Variants in PLCH1 observed in about 807,000 individuals in gnomAD.
The protein encoded by PLCH1 is phospholipase C eta 1, also known as 1-phosphatidylinositol 4,5-bisphosphate phosphodiesterase eta-1.
Under a neutral mutation model 126.7 loss-of-function variants are expected in PLCH1, and 60 were observed. The ratio of observed to expected loss-of-function variants is 0.47; its 90% confidence interval spans 0.38 to 0.59. The LOEUF (loss-of-function observed/expected upper bound fraction) is 0.59, where lower values mean the gene tolerates loss of function less well. PLCH1 is among the 20% of genes least tolerant of loss of function. The probability of loss-of-function intolerance (pLI) is 0.00; values close to 1 mark genes in which losing one functional copy is unlikely to be tolerated. For missense variants in PLCH1, 1,723 were observed against 2,040.0 expected (o/e 0.84, Z 2.99); for synonymous variants, 719 against 734.9 (o/e 0.98, Z 0.35).
chr3:155,699,822 T>TCACACACACACACACACACACACA (rs59082626), intron 2 of PLCH1, among the ~76,000 whole-genome samples: 3,892 of 147,694 alleles, frequency 0.026, 86 homozygotes, highest in African/African-American at 0.042. Context: ...CTGTGACCAT[T>TCACACACACACACACACACACACA]CACACACACA....
chr3:155,643,864 G>A lies in PLCH1; in HGVS notation c.80-47486C>T, dbSNP rs920651720. 4.6e-5 allele frequency among the ~76,000 whole-genome samples: 7 copies of A among 152,114 alleles called. No individual in the cohort carries two copies. In the East Asian group the frequency reaches 7.7e-4, roughly 17 times the overall value. ...AGAATGAGTGGCAACCAAGTGCTTC[G>A]GTCTACTTCATTGAGTAATTTTTCT... On this transcript the variant is annotated intron_variant, in intron 2 of 22. Transcript: ENST00000460012.
At chr3:155,702,153 A>G (rs1746328456) in intron 2 of PLCH1, among the ~76,000 whole-genome samples, 2 of 152,214 alleles carry the variant, frequency 1.3e-5, no homozygotes, top group Admixed American at 1.3e-4. Context: ...ATTCTCAGAA[A>G]TACTTCAGTG....
intron 10 of PLCH1, among the ~76,000 whole-genome samples, chr3:155,545,739 C>T (rs1245471206): frequency 6.7e-6 from 1 of 150,076 alleles, no homozygotes; most frequent in Admixed American, 6.6e-5. Flanking sequence ...TCAATATATG[C>T]AAATCAATAA....
intron 8 of PLCH1, among the ~76,000 whole-genome samples, chr3:155,559,739 C>A (rs192720387): frequency 7.2e-5 from 11 of 152,184 alleles, no homozygotes; most frequent in African/African-American, 2.6e-4. Flanking sequence ...GAGAAGGTAA[C>A]CTTTTGGACA....
chr3:155,640,928 G>A (rs2315589), intron 2 of PLCH1, among the ~76,000 whole-genome samples: 77,321 of 152,012 alleles, frequency 0.51, 22,708 homozygotes, highest in African/African-American at 0.8. Context: ...AAATTTCAAC[G>A]AACGAATTCA....
At chr3:155,736,583 G>C (rs983048055) in intron 1 of PLCH1, among the ~76,000 whole-genome samples, 1 of 152,136 alleles carries the variant, frequency 6.6e-6, no homozygotes, top group African/African-American at 2.4e-5. Context: ...ATTCCCACCG[G>C]TCCCCTGAGC....
At chr3:155,469,605 G>T (rs1048610783) in intron 21 of PLCH1, among the ~76,000 whole-genome samples, 18 of 152,304 alleles carry the variant, frequency 1.2e-4, no homozygotes, top group African/African-American at 3.8e-4. Context: ...GCATCTGTAG[G>T]CTCCACCTCT....
chr3:155,708,338 C>T lies in PLCH1; in HGVS notation c.-40-4074G>A, dbSNP rs918434979. Among the ~76,000 whole-genome samples the T allele has an allele frequency of 5.3e-5, 8 of 152,250 alleles. No homozygotes were observed. In the South Asian group the frequency reaches 6.2e-4, roughly 12 times the overall value. ...GCGATAAGCCTCATTTTAGCTTCCA[C>T]CAGATTCAGAAGAGCCAGGCCCTAG... On this transcript the variant is annotated intron_variant, in intron 1 of 22. Coordinates refer to ENST00000460012, the MANE Select transcript of PLCH1 (RefSeq NM_014996.4).
chr3:155,586,016 A>T, intron 5 of PLCH1, 49 bp downstream of exon 5: 1 of 1,555,212 alleles, frequency 6.4e-7, no homozygotes. Flanking sequence ...AAGTATGTTA[A>T]TAACCTCTGT....
At chr3:155,630,595 A>G (rs1559869644) in intron 2 of PLCH1, among the ~76,000 whole-genome samples, 1 of 152,196 alleles carries the variant, frequency 6.6e-6, no homozygotes, top group Non-Finnish European at 1.5e-5. Context: ...TTCCTTTGGC[A>G]TATACCGTCT....
At chr3:155,564,807 TTA>T (rs1728106985) in intron 8 of PLCH1, 106 bp downstream of exon 8, 1 of 672,144 alleles carries the variant, frequency 1.5e-6, no homozygotes, top group Non-Finnish European at 2.7e-6. Context: ...GTAGTACTAA[TTA>T]GTGTGAGAGT....
intron 2 of PLCH1, among the ~76,000 whole-genome samples, chr3:155,638,971 A>G (rs1009679734): frequency 6.6e-6 from 1 of 152,330 alleles, no homozygotes; most frequent in East Asian, 1.9e-4. Flanking sequence ...AATATATAAC[A>G]GTTTCCCCCA....
intron 21 of PLCH1, among the ~76,000 whole-genome samples, chr3:155,486,556 C>T (rs1415154707): frequency 2.1e-4 from 26 of 125,532 alleles, no homozygotes; most frequent in Admixed American, 3.9e-4. Context: ...CTCGCTCTGT[C>T]GCCCAGGCCG....
At chr3:155,718,036 A>G (rs1747662728) in intron 1 of PLCH1, among the ~76,000 whole-genome samples, 1 of 152,222 alleles carries the variant, frequency 6.6e-6, no homozygotes, top group Non-Finnish European at 1.5e-5. Context: ...CCAGGTCACA[A>G]CTTGAACAAT....
intron 10 of PLCH1, among the ~76,000 whole-genome samples, chr3:155,524,324 T>TTGC (rs1409188510): frequency 6.6e-6 from 1 of 152,174 alleles, no homozygotes; most frequent in African/African-American, 2.4e-5. Context: ...TCGGGAGTTG[T>TTGC]TGCTGAATGG....
At chr3:155,458,453 G>GGAAAGAAA (rs796818041) in intron 21 of PLCH1, among the ~76,000 whole-genome samples, 357 of 28,612 alleles carry the variant, frequency 0.012, 25 homozygotes, top group South Asian at 0.02. Context: ...AAGGAAGGAA[G>GGAAAGAAA]GAAAGAAAGA....
chr3:155,580,468 A>G (rs1730527824), intron 6 of PLCH1, among the ~76,000 whole-genome samples: 1 of 152,172 alleles, frequency 6.6e-6, no homozygotes, highest in South Asian at 2.1e-4. Flanking sequence ...GCCATTTATG[A>G]ATCTATAAGC....
rs1449070277 is a variant in PLCH1, at chr3:155,472,794, A to G, written c.2938+12562T>C. Reference sequence around the variant, plus strand: ...TCAATATACGTAAATCAATAAATGTAATCCAGCATATAAACAGAGCCAAAG... The same window carrying G: ...TCAATATACGTAAATCAATAAATGTGATCCAGCATATAAACAGAGCCAAAG... On this transcript the variant is annotated intron_variant, in intron 21 of 21. Transcript: ENST00000494598. 4.2e-4 allele frequency among the ~76,000 whole-genome samples: 63 copies of G among 149,066 alleles called. No individual in the cohort carries two copies. The East Asian group carries it at 0.011, about 26-fold the overall frequency.
intron 2 of PLCH1, among the ~76,000 whole-genome samples, chr3:155,626,768 CAAAAAAAAAAAAAAAAAAA>C (rs71155058): frequency 1.8e-4 from 9 of 49,654 alleles, no homozygotes; most frequent in Admixed American, 1.7e-3. Flanking sequence ...GACTCCGTCT[CAAAAAAAAAAAAAAAAAAA>C]AAAAAAAAAA....
Sources: allele counts gnomAD v4.1 joint callset (sites outside exome capture counted in the v4.1 genomes callset), GRCh38; gene constraint gnomAD v4.1.1; transcripts MANE v1.5; gene names NCBI Gene and HGNC (gene_info 2026-07-23, HGNC 2026-07-21).